Variants in SLC4A4 observed in about 807,000 individuals in gnomAD.
SLC4A4 encodes electrogenic sodium bicarbonate cotransporter 1.
SLC4A4 carries 27 observed loss-of-function variants against 111.5 expected under a neutral mutation model. The ratio of observed to expected loss-of-function variants is 0.24; its 90% CI spans 0.18 to 0.33. The LOEUF is 0.33. Ranked by LOEUF, SLC4A4 falls within the 10% of genes least tolerant of loss-of-function variation. The pLI is 1.00. For missense variants in SLC4A4, 909 were observed against 1,315.5 expected, an observed-to-expected ratio of 0.69 and a Z score of 4.78; for synonymous variants, 443 against 463.4, an observed-to-expected ratio of 0.96 and a Z score of 0.57.
At chr4:71,385,191 A>ATATATATATATATT (rs56949097) in intron 6 of SLC4A4, among the ~76,000 whole-genome samples, 1 of 11,896 alleles carries the variant, frequency 8.4e-5, no homozygotes, top group African/African-American at 2.5e-4. Context: ...ATATATATAT[A>ATATATATATATATT]TTTTTTTTTT....
At chr4:71,228,889 C>T (rs1051861113) in intron 1 of SLC4A4, among the ~76,000 whole-genome samples, 4 of 152,180 alleles carry the variant, frequency 2.6e-5, no homozygotes, top group African/African-American at 9.7e-5. Flanking sequence ...ATACAATTCA[C>T]CAAACTTTAT....
intron 16 of SLC4A4, among the ~76,000 whole-genome samples, chr4:71,525,941 AG>A (rs1319984278): frequency 1.3e-5 from 2 of 152,034 alleles, no homozygotes; most frequent in Admixed American, 6.6e-5. Flanking sequence ...AACTGTGAGA[AG>A]GGCCCAAAGA....
At chr4:71,302,803 T>C (rs1274030835) in intron 3 of SLC4A4, among the ~76,000 whole-genome samples, 1 of 152,178 alleles carries the variant, frequency 6.6e-6, no homozygotes, top group Non-Finnish European at 1.5e-5. Flanking sequence ...GGCAATCATA[T>C]AGGAAAAGAG....
intron 12 of SLC4A4, among the ~76,000 whole-genome samples, chr4:71,461,980 G>T (rs749146119): frequency 8.5e-5 from 13 of 152,070 alleles, no homozygotes; most frequent in Non-Finnish European, 1.3e-4. Context: ...AATTTACTCT[G>T]GGAAATACTG....
intron 2 of SLC4A4, among the ~76,000 whole-genome samples, chr4:71,128,761 T>A (rs1434316895): frequency 2.6e-5 from 4 of 152,138 alleles, no homozygotes; most frequent in Non-Finnish European, 5.9e-5. Flanking sequence ...AGTTCTGGGA[T>A]TACAGGCATG....
At chr4:71,172,547 C>A (rs1744974979) in intron 2 of SLC4A4, among the ~76,000 whole-genome samples, 1 of 152,220 alleles carries the variant, frequency 6.6e-6, no homozygotes, top group Non-Finnish European at 1.5e-5. Flanking sequence ...AGCCACCGTG[C>A]CTGGCCTAGC....
chr4:71,077,731 C>T (rs1000649009), intron 1 of SLC4A4, among the ~76,000 whole-genome samples: 13 of 152,172 alleles, frequency 8.5e-5, no homozygotes, highest in Admixed American at 3.3e-4. Context: ...TTGTAGCAGA[C>T]GGTTTTGTTT....
chr4:71,195,501 A>G (rs993727352), intron 1 of SLC4A4, among the ~76,000 whole-genome samples: 8 of 152,252 alleles, frequency 5.3e-5, no homozygotes, highest in Admixed American at 3.9e-4. Flanking sequence ...TCTGTTACAG[A>G]CATAATGTTA....
intron 1 of SLC4A4, among the ~76,000 whole-genome samples, chr4:71,224,781 T>TA (rs1419905077): frequency 6.6e-6 from 1 of 152,240 alleles, no homozygotes; most frequent in Non-Finnish European, 1.5e-5. Flanking sequence ...TTCTTGAAGA[T>TA]AATCCTTGGT....
At chr4:71,398,730 C>T (rs147252642) in intron 7 of SLC4A4, among the ~76,000 whole-genome samples, 137 of 152,306 alleles carry the variant, frequency 9.0e-4, no homozygotes, top group Middle Eastern at 3.4e-3. Flanking sequence ...TGTTCCAAAA[C>T]TGGCTAGTTG....
chr4:71,472,067 C>T (rs1727920427), intron 13 of SLC4A4, among the ~76,000 whole-genome samples: 1 of 151,838 alleles, frequency 6.6e-6, no homozygotes, highest in Non-Finnish European at 1.5e-5. Context: ...TCTTGTGCCA[C>T]GTTATCTTTT....
At chr4:71,311,873 G>A (rs548173371) in intron 3 of SLC4A4, among the ~76,000 whole-genome samples, 2 of 140,776 alleles carry the variant, frequency 1.4e-5, no homozygotes, top group East Asian at 4.2e-4. Flanking sequence ...AGGAGCCTGA[G>A]CAAATGTGCA....
chr4:71,499,432 A>T (rs1730707366), intron 16 of SLC4A4, among the ~76,000 whole-genome samples: 1 of 152,150 alleles, frequency 6.6e-6, no homozygotes, highest in Non-Finnish European at 1.5e-5. Flanking sequence ...TCACATACTT[A>T]TTTTTTGTGA....
intron 16 of SLC4A4, among the ~76,000 whole-genome samples, chr4:71,515,717 A>G (rs1295785464): frequency 6.6e-6 from 1 of 152,188 alleles, no homozygotes; most frequent in Non-Finnish European, 1.5e-5. Flanking sequence ...TTTATTTCAT[A>G]TAAAATGACT....
intron 16 of SLC4A4, among the ~76,000 whole-genome samples, chr4:71,507,902 G>A (rs1295829779): frequency 6.6e-6 from 1 of 152,150 alleles, no homozygotes; most frequent in Admixed American, 6.5e-5. Flanking sequence ...TCGGACCACA[G>A]TGTAATCAAA....
chr4:71,467,264 T>C (rs1727455443), intron 13 of SLC4A4, among the ~76,000 whole-genome samples: 3 of 152,088 alleles, frequency 2.0e-5, no homozygotes, highest in African/African-American at 4.8e-5. Flanking sequence ...AGAAATTAAA[T>C]TGATTAAGTT....
chr4:71,473,725 T>C (rs560877641), intron 14 of SLC4A4, among the ~76,000 whole-genome samples: 70 of 151,984 alleles, frequency 4.6e-4, no homozygotes, highest in African/African-American at 1.7e-3. Context: ...AAAAAAATGT[T>C]CAGCTTGGTC....
chr4:71,391,393 T>G (rs1719245052), intron 6 of SLC4A4, among the ~76,000 whole-genome samples: 1 of 152,134 alleles, frequency 6.6e-6, no homozygotes, highest in Admixed American at 6.6e-5. Flanking sequence ...TACATTAATA[T>G]GTACACATTC....
chr4:71,173,506 A>C (rs1481468117), intron 2 of SLC4A4, among the ~76,000 whole-genome samples: 2 of 152,102 alleles, frequency 1.3e-5, no homozygotes, highest in Non-Finnish European at 2.9e-5. Context: ...TCAGCCTCCC[A>C]AGTAGCTGGG....
Sources: gnomAD v4.1 joint callset for allele counts (sites outside exome capture counted in the v4.1 genomes callset) on GRCh38, gnomAD v4.1.1 for gene constraint, MANE v1.5 for transcripts, NCBI Gene and HGNC (gene_info 2026-07-23, HGNC 2026-07-21) for gene names.